Variants in SYBU observed in about 807,000 individuals in gnomAD.
SYBU encodes the protein GOLSYN A protein.
In SYBU, 21 loss-of-function variants were observed where a neutral mutation model predicts 35.9. That is an observed-to-expected ratio of 0.58 (90% CI 0.41 to 0.84). The LOEUF (loss-of-function observed/expected upper bound fraction) is 0.84. Ranked by LOEUF, SYBU falls within the 40% of genes least tolerant of loss-of-function variation. The pLI, the probability that SYBU is intolerant of heterozygous loss-of-function variation, is 0.00. For synonymous variants in SYBU, 319 were observed against 324.3 expected (o/e 0.98, Z 0.18); for missense variants, 768 against 848.2 (o/e 0.91, Z 1.17).
chr8:109,629,676 G>A (rs1387050077), intron 2 of SYBU, among the ~76,000 whole-genome samples: 2 of 151,868 alleles, frequency 1.3e-5, no homozygotes, highest in African/African-American at 2.4e-5. Context: ...GGGATGGCTG[G>A]GTCAAATGGT....
At chr8:109,578,833 G>A (rs1822673712) in intron 5 of SYBU, among the ~76,000 whole-genome samples, 1 of 152,202 alleles carries the variant, frequency 6.6e-6, no homozygotes, top group African/African-American at 2.4e-5. Context: ...TTTGCTGAAT[G>A]CAAGTTGTTC....
At position 109,608,150 on chromosome 8, in the gene SYBU, A is replaced by C. The variant is rs1826259198; in HGVS notation, c.427+10692T>G. 1.2e-5 allele frequency: 6 copies of C among 512,578 alleles called. No homozygotes were observed. The South Asian group carries it at 2.0e-4, about 17-fold the overall frequency. The allele number at this position is 512,578 out of a possible 1,614,324, so 31.8% of individuals were successfully genotyped here. A position where few individuals can be genotyped will look rare whatever the true frequency, so the allele number is the denominator to read the frequency against. ...AGGGAAAGCCAGCCTATCAGGGAAG[A>C]GCACAGGGCCTTCTCCCTGGTGACT... is the stretch of plus-strand genomic sequence containing the variant. On this transcript the variant is annotated intron_variant, in intron 3 of 6. Transcript: ENST00000276646.
chr8:109,610,058 C>T (rs1810997535), intron 3 of SYBU, among the ~76,000 whole-genome samples: 1 of 152,144 alleles, frequency 6.6e-6, no homozygotes, highest in Non-Finnish European at 1.5e-5. Flanking sequence ...TTCTCCTTTC[C>T]TAACTCACCG....
chr8:109,689,832 GAAAAAAAAAA>G (rs544879954), intron 1 of SYBU, among the ~76,000 whole-genome samples: 1 of 102,740 alleles, frequency 9.7e-6, no homozygotes, highest in African/African-American at 3.6e-5. Flanking sequence ...ACTACAATAT[GAAAAAAAAAA>G]AAAAAAAAAA....
At chr8:109,580,582 A>T (rs1822912092) in intron 4 of SYBU, 1 of 153,482 alleles carries the variant, frequency 6.5e-6, no homozygotes, top group Non-Finnish European at 1.4e-5. Context: ...GTGACTTAAG[A>T]CAACCTTTGT....
In SYBU at chr8:109,691,026, C is replaced by T. The variant is rs1371984070; in HGVS notation, c.-58+307G>A. Among the ~76,000 whole-genome samples the T allele has an allele frequency of 6.6e-6, 1 of 152,172 alleles. No individual in the cohort carries two copies. The highest frequency in any genetic ancestry group is 6.5e-5 in the Admixed American group (1 of 15,284). On this transcript the variant is annotated intron_variant, in intron 1 of 7. Coordinates refer to the SYBU transcript ENST00000422135. This position sits in a 1 kb window ranked among gnomAD's most constrained non-coding sequence, Gnocchi z 4.7. Reference sequence around the variant, plus strand: ...GGAGATTCAAAACCGACGGCCTATACATTAGCCTGGCTAATCTTGCTCGTT... The same window carrying T: ...GGAGATTCAAAACCGACGGCCTATATATTAGCCTGGCTAATCTTGCTCGTT...
rs542520813 is a variant in SYBU at position 109,581,201 on chromosome 8, A to G, written c.531-1199T>C. 2.6e-5 allele frequency: 4 copies of G among 152,344 alleles called. No homozygotes were observed. In the South Asian group the frequency reaches 6.2e-4, roughly 24 times the overall value. 9.4% of individuals were successfully genotyped at this position (152,344 alleles called of 1,614,324 possible). ...AGGGCAGAAACAGCTTGTTCTTTCT[A>G]TCCTCCTACTTTTGATACATGGTAA... On this transcript the variant is annotated intron_variant, in intron 4 of 6. Coordinates refer to ENST00000276646, the MANE Select transcript of SYBU (RefSeq NM_001099754.2).
chr8:109,648,704 T>C (rs6469275), upstream of SYBU: 47,151 of 151,048 alleles, frequency 0.31, 8,644 homozygotes, highest in African/African-American at 0.51. Flanking sequence ...ATGCAGGGGG[T>C]TTTCTTGGGC....
intron 1 of SYBU, among the ~76,000 whole-genome samples, chr8:109,665,210 T>C (rs1412725939): frequency 6.6e-6 from 1 of 152,204 alleles, no homozygotes; most frequent in African/African-American, 2.4e-5. Context: ...CAAAATATTA[T>C]TTCGGTATGT....
intron 1 of SYBU, among the ~76,000 whole-genome samples, chr8:109,653,787 C>A (rs899866446): frequency 2.6e-5 from 4 of 152,124 alleles, no homozygotes; most frequent in African/African-American, 9.7e-5. Flanking sequence ...CTCTCTCAAT[C>A]TCCTGCCTCC....
At position 109,603,397 on chromosome 8, in the gene SYBU, C is replaced by T. The variant is rs188184293; in HGVS notation, c.427+15445G>A. On this transcript the variant is annotated intron_variant, in intron 3 of 6. Transcript: ENST00000276646. The stretch of plus-strand genomic sequence containing the variant: ...TGCTCACAAATTATGCTCTGCATTT[C>T]CTTGGACTCCTTTAGTGGAACCTTC... The T allele has an allele frequency of 2.4e-5, 24 of 985,312 alleles. No individual in the cohort carries two copies. In the African/African-American group the frequency reaches 3.8e-4, roughly 16 times the overall value. 61.0% of individuals were successfully genotyped at this position (985,312 alleles called of 1,614,324 possible).
chr8:109,655,481 G>A (rs1020539250), intron 1 of SYBU, among the ~76,000 whole-genome samples: 29 of 152,188 alleles, frequency 1.9e-4, no homozygotes, highest in African/African-American at 7.0e-4. Flanking sequence ...CTTCCAAATT[G>A]GTATAACTTG....
At chr8:109,674,047 A>C (rs966280829) in intron 1 of SYBU, among the ~76,000 whole-genome samples, 1 of 152,166 alleles carries the variant, frequency 6.6e-6, no homozygotes, top group African/African-American at 2.4e-5. Context: ...GATCAAACCT[A>C]CTTTTGATTG....
At chr8:109,652,083 T>C (rs1816166130) in intron 1 of SYBU, among the ~76,000 whole-genome samples, 1 of 152,210 alleles carries the variant, frequency 6.6e-6, no homozygotes, top group African/African-American at 2.4e-5. Context: ...TATTCAAAGA[T>C]GAACAATGAT....
chr8:109,602,302 A>C (rs112101044), intron 3 of SYBU, among the ~76,000 whole-genome samples: 1 of 152,310 alleles, frequency 6.6e-6, no homozygotes, highest in African/African-American at 2.4e-5. Context: ...AAAATGGGAA[A>C]TATCTCAATC....
intron 3 of SYBU, among the ~76,000 whole-genome samples, chr8:109,602,601 T>C (rs1309339372): frequency 1.3e-5 from 2 of 152,000 alleles, no homozygotes; most frequent in Non-Finnish European, 2.9e-5. Context: ...ACCCGGTTAA[T>C]TTTTGCATTT....
intron 2 of SYBU, among the ~76,000 whole-genome samples, chr8:109,631,930 GT>G (rs368156445): frequency 0.011 from 1,640 of 147,342 alleles, 26 homozygotes; most frequent in African/African-American, 0.036. Context: ...TAAAGGCTCA[GT>G]TTTTTTTTTT....
At chr8:109,612,989 A>AAG in intron 3 of SYBU, among the ~76,000 whole-genome samples, 1 of 74,992 alleles carries the variant, frequency 1.3e-5, no homozygotes, top group East Asian at 5.5e-4. Context: ...AAAAAAAAAA[A>AAG]AAAAAAAGAA....
At chr8:109,606,607 A>G (rs1826091250) in intron 3 of SYBU, among the ~76,000 whole-genome samples, 1 of 152,178 alleles carries the variant, frequency 6.6e-6, no homozygotes, top group South Asian at 2.1e-4. Flanking sequence ...CTCCAAAATC[A>G]TGATCTCTAT....
Sources: allele counts gnomAD v4.1 joint callset (sites outside exome capture counted in the v4.1 genomes callset), GRCh38; gene constraint gnomAD v4.1.1; non-coding constraint Gnocchi (gnomAD v3.1); transcripts MANE v1.5; gene names NCBI Gene and HGNC (gene_info 2026-07-23, HGNC 2026-07-21).